Variants in NEB observed in about 807,000 individuals in gnomAD.
NEB encodes nebulin.
NEB carries 512 observed loss-of-function variants against 952.2 expected under a neutral mutation model. The ratio of observed to expected loss-of-function variants is 0.54; its 90% CI spans 0.50 to 0.58. The LOEUF is 0.58. Among genes scored for constraint, NEB ranks in the 20% least tolerant of loss-of-function variants. The pLI is 0.00. For missense variants in NEB, 8,428 were observed against 9,231.1 expected, an observed-to-expected ratio of 0.91 and a Z score of 3.56; for synonymous variants, 2,900 against 3,149.8, an observed-to-expected ratio of 0.92 and a Z score of 2.66.
At position 151,642,635 on chromosome 2, in the gene NEB, T is replaced by C; in HGVS notation, c.8312A>G (p.Asp2771Gly). 2 of 1,613,968 alleles carry C rather than the reference T, an allele frequency of 1.2e-6. No individual in the cohort carries two copies. The highest frequency in any genetic ancestry group is 1.7e-6 in the Non-Finnish European group (2 of 1,179,860). ...GLEEAKRKGY[D>G]MRVDAIPIKA... ...GATAGGAATGGCATCTACCCGCATG[T>C]CATAACCTTTCCTCTTGGCTTCTTC... The change falls in exon 60 of 182, where the codon GAC becomes GGC. Residue 2771 changes from aspartate to glycine, a missense_variant. Coordinates refer to ENST00000397345, the MANE Select transcript of NEB (RefSeq NM_001164508.2).
chr2:151,732,973 T>C, intron 3 of NEB, 148 bp downstream of exon 3: 1 of 637,892 alleles, frequency 1.6e-6, no homozygotes, highest in Non-Finnish European at 2.6e-6. Flanking sequence ...AAACTGAACA[T>C]AAAATATTCC....
Position 151,575,246 on chromosome 2 carries a change from TA to T in NEB, c.17013+448del, listed in dbSNP as rs748776713. Reference sequence around the variant, plus strand: ...TAAGAAACCTCTTAATTTCTTGCTGTATGTTTTTTGGTTTTTTCTCCTTGGG... The same window carrying T: ...TAAGAAACCTCTTAATTTCTTGCTGTTGTTTTTTGGTTTTTTCTCCTTGGG... On this transcript the variant is annotated intron_variant, in intron 107 of 181. Transcript: ENST00000397345. 9.2e-5 allele frequency among the ~76,000 whole-genome samples: 14 copies of T among 152,304 alleles called. No individual in the cohort carries two copies. The South Asian group carries it at 2.9e-3, about 32-fold the overall frequency.
In NEB at chr2:151,490,045, G is replaced by T. The variant is rs778104284; in HGVS notation, c.25330C>A (p.Gln8444Lys). The change falls in exon 181 of 182, where the codon CAA (glutamine) becomes AAA (lysine). Residue 8444 changes from glutamine (Q) to lysine (K), a missense_variant. Gln to Lys is a moderately conservative substitution (Grantham distance 53, BLOSUM62 1). Coordinates refer to ENST00000397345, the MANE Select transcript of NEB (RefSeq NM_001164508.2). ...YKHAKTTELP[Q>K]QRSSSVATQQ... ...GTAGCAACTGAAGATGATCGTTGTTGTGGGAGCTCTGTGGTTTTTGCATGT... is the reference window on the plus strand; with the variant it reads ...GTAGCAACTGAAGATGATCGTTGTTTTGGGAGCTCTGTGGTTTTTGCATGT... 1.2e-6 allele frequency: 2 copies of T among 1,612,948 alleles called. No homozygotes were observed. Among genetic ancestry groups the T allele is most frequent in the South Asian group, 1.1e-5 (1 of 90,804 alleles).
At chr2:151,500,403 A>C (rs542338580) in intron 168 of NEB, among the ~76,000 whole-genome samples, 1 of 143,378 alleles carries the variant, frequency 7.0e-6, no homozygotes, top group East Asian at 2.0e-4. Flanking sequence ...TTGATATAGA[A>C]GCTTCAGAGT....
chr2:151,653,746 T>G (rs1266696060), intron 52 of NEB, among the ~76,000 whole-genome samples: 1 of 152,120 alleles, frequency 6.6e-6, no homozygotes, highest in African/African-American at 2.4e-5. Flanking sequence ...TTGTAACATC[T>G]CCAAGTAGAG....
At position 151,553,905 on chromosome 2, in the gene NEB, G is replaced by A. The variant is rs566388572; in HGVS notation, c.19549C>T (p.Arg6517Cys). The A allele has an allele frequency of 4.3e-6, 7 of 1,613,872 alleles. No individual in the cohort carries two copies. Among genetic ancestry groups the A allele is most frequent in the Admixed American group, 1.7e-5 (1 of 60,018 alleles). ...KKVSEIDYRL[R>C]LHEWICHPDL... Reference sequence around the variant, plus strand: ...GGGTGGCAAATCCATTCGTGGAGGCGCAGGCGGTAATCAATCTCACTGACT... The same window carrying A: ...GGGTGGCAAATCCATTCGTGGAGGCACAGGCGGTAATCAATCTCACTGACT... Residue 6517 changes from arginine to cysteine, a missense_variant, in exon 126 of 182, where the codon CGC becomes TGC. By Grantham distance (180) the Arg-to-Cys change is radical. This residue lies in a region of NEB where 3,374 missense variants were observed against 3,651.5 expected (regional missense o/e 0.92). Transcript: ENST00000397345.
intron 13 of NEB, among the ~76,000 whole-genome samples, chr2:151,698,023 G>A (rs1003671982): frequency 3.9e-5 from 6 of 152,218 alleles, no homozygotes; most frequent in Admixed American, 2.0e-4. Context: ...CCGAGATGGC[G>A]CCATTGCACT....
chr2:151,730,165 T>A (rs11692477), intron 3 of NEB, among the ~76,000 whole-genome samples: 1 of 152,210 alleles, frequency 6.6e-6, no homozygotes, highest in African/African-American at 2.4e-5. Context: ...ATCTCAATTA[T>A]TCCTATACCC....
Position 151,490,418 on chromosome 2 carries a change from G to A in NEB, c.25251C>T (p.His8417=), listed in dbSNP as rs2152776470. 4 of 1,599,242 alleles carry A rather than the reference G, an allele frequency of 2.5e-6. No individual in the cohort carries two copies. The highest frequency in any genetic ancestry group is 2.3e-5 in the East Asian group (1 of 44,236). The part of the protein sequence containing the change: ...EKSEHSEAPD[H]HLSTYSDGGV... ...CCCCGTCGCTGTAAGTCGAAAGGTG[G>A]TGGTCTGGTGCTTCTGAATGCTCAG... Residue 8417 remains histidine, a synonymous_variant, in exon 180 of 182, where the codon CAC becomes CAT. Transcript: ENST00000397345.
intron 124 of NEB, among the ~76,000 whole-genome samples, chr2:151,559,177 A>C (rs537472211): frequency 1.3e-5 from 2 of 152,236 alleles, no homozygotes; most frequent in Admixed American, 6.5e-5. Context: ...GCGGCCAACA[A>C]ATATATGAAA....
intron 107 of NEB, among the ~76,000 whole-genome samples, chr2:151,571,511 G>C (rs926607009): frequency 4.6e-5 from 7 of 151,988 alleles, no homozygotes; most frequent in Non-Finnish European, 1.0e-4. Context: ...GTAACCTTCA[G>C]AATTGTAAAC....
At chr2:151,488,478 C>CA (rs567755362) in intron 181 of NEB, among the ~76,000 whole-genome samples, 1,771 of 95,634 alleles carry the variant, frequency 0.019, 16 homozygotes, top group African/African-American at 0.045. Context: ...GAGCCTCTAC[C>CA]AAAAAAAAAA....
chr2:151,569,439 G>A (rs2096549856), intron 109 of NEB, 67 bp from the exon 110 acceptor site: 2 of 1,189,016 alleles, frequency 1.7e-6, no homozygotes, highest in Non-Finnish European at 1.3e-6. Context: ...CCTATCCATT[G>A]GTCTCATGAA....
intron 131 of NEB, 45 bp from the exon 132 acceptor site, chr2:151,547,783 C>A: frequency 7.5e-7 from 1 of 1,325,660 alleles, no homozygotes. Flanking sequence ...TAGGGGACGA[C>A]GAGGGCATCT....
At chr2:151,609,647 C>T (rs1263766818) in intron 81 of NEB, among the ~76,000 whole-genome samples, 162 bp downstream of exon 81, 2 of 152,188 alleles carry the variant, frequency 1.3e-5, no homozygotes. Flanking sequence ...GAAGTTACTA[C>T]TAAAGATGGA....
rs747222372 is a variant in NEB, at chr2:151,565,751, C to T, written c.18226G>A (p.Val6076Ile). ...ATTTCCTGGTTCTTAGTAACCCTTA[C>T]ATGGTCCACAGAATCCAGTGGGATC... ...GWIPLDSVDH[V>I]RVTKNQEMMS... The change falls in exon 115 of 182, where the codon GTA (valine) becomes ATA (isoleucine). Residue 6076 changes from valine (V) to isoleucine (I), a missense_variant. Coordinates refer to ENST00000397345, the MANE Select transcript of NEB (RefSeq NM_001164508.2). The T allele has an allele frequency of 1.9e-6, 3 of 1,612,632 alleles. No individual in the cohort carries two copies. Among genetic ancestry groups the T allele is most frequent in the Non-Finnish European group, 1.7e-6 (2 of 1,179,308 alleles).
At chr2:151,549,308 C>T (rs920189046) in intron 130 of NEB, among the ~76,000 whole-genome samples, 4 of 152,162 alleles carry the variant, frequency 2.6e-5, no homozygotes, top group African/African-American at 9.7e-5. Context: ...GTTGCATTTC[C>T]AATAAATGGC....
rs202234374 is a variant in NEB at position 151,663,615 on chromosome 2, G to T, written c.5696C>A (p.Thr1899Asn). 1.9e-6 allele frequency: 3 copies of T among 1,613,756 alleles called. No homozygotes were observed. Among genetic ancestry groups the T allele is most frequent in the Admixed American group, 3.3e-5 (2 of 59,996 alleles). ...TNANYRNVIH[T>N]YNMLPDAMSF... ...CATGGCATCAGGAAGCATGTTGTAG[G>T]TATGGATCACGTTCCTGTAGTTGGC... Residue 1899 changes from threonine (T) to asparagine (N), a missense_variant, in exon 45 of 182, where the codon ACC becomes AAC. Around this residue, in one of 11 missense-constraint regions of NEB, gnomAD observed 2,851 missense variants for 2,791.5 expected, o/e 1.02. Coordinates refer to ENST00000397345, the MANE Select transcript of NEB (RefSeq NM_001164508.2).
intron 24 of NEB, chr2:151,689,274 G>A (rs373581480): frequency 2.2e-5 from 3 of 139,228 alleles, no homozygotes; most frequent in South Asian, 2.3e-4. Flanking sequence ...ACACAATCTC[G>A]GCTCACTGCA....
Sources: allele counts gnomAD v4.1 joint callset (sites outside exome capture counted in the v4.1 genomes callset), GRCh38; gene constraint gnomAD v4.1.1; regional missense constraint gnomAD v4.1.1; transcripts MANE v1.5; gene names NCBI Gene and HGNC (gene_info 2026-07-23, HGNC 2026-07-21).